C1orf198: variants seen among roughly 807,000 people sequenced by gnomAD.
C1orf198 encodes uncharacterized protein C1orf198.
A neutral mutation model predicts 31.4 loss-of-function variants in C1orf198; 17 were observed. The observed-to-expected ratio is 0.54, with a 90% confidence interval of 0.37 to 0.81. The LOEUF (loss-of-function observed/expected upper bound fraction) is 0.81, where lower values mean the gene tolerates loss of function less well. Ranked by LOEUF, C1orf198 falls within the 40% of genes least tolerant of loss-of-function variation. The pLI is 0.00. For synonymous variants in C1orf198, 175 were observed against 193.8 expected, an observed-to-expected ratio of 0.90 and a Z score of 0.81; for missense variants, 401 against 450.3, an observed-to-expected ratio of 0.89 and a Z score of 0.99.
At chr1:230,841,601 C>T (rs1422668766) in intron 3 of C1orf198, among the ~76,000 whole-genome samples, 1 of 152,162 alleles carries the variant, frequency 6.6e-6, no homozygotes, top group Non-Finnish European at 1.5e-5. Context: ...CACCTCATAC[C>T]CCTTCGCATG....
intron 1 of C1orf198, among the ~76,000 whole-genome samples, chr1:230,863,468 A>G (rs1354661965): frequency 6.6e-6 from 1 of 152,224 alleles, no homozygotes. Flanking sequence ...AGAGTGTAAA[A>G]GTGACTCTTA....
intron 1 of C1orf198, 129 bp downstream of exon 1, chr1:230,868,051 T>A: frequency 3.8e-4 from 261 of 680,468 alleles, no homozygotes; most frequent in East Asian, 9.4e-4. Flanking sequence ...TCCCACCCAC[T>A]GCCATTCCTG....
Position 230,857,880 on chromosome 1 carries a change from G to A in C1orf198, c.334-2162C>T, listed in dbSNP as rs1669916190. Reference sequence around the variant, plus strand: ...TAGTGTGTGCAACTAATGACCATGTGCACAGTAAGATGACCCCCATCCTCA... The same window carrying A: ...TAGTGTGTGCAACTAATGACCATGTACACAGTAAGATGACCCCCATCCTCA... On this transcript the variant is annotated intron_variant, in intron 1 of 3. Transcript: ENST00000366663. This position sits in a 1 kb window ranked among gnomAD's most constrained non-coding sequence, Gnocchi z 4.2. Among the ~76,000 whole-genome samples the A allele has an allele frequency of 6.6e-6, 1 of 152,216 alleles. No individual in the cohort carries two copies. The highest frequency in any genetic ancestry group is 6.5e-5 in the Admixed American group (1 of 15,280).
Position 230,840,242 on chromosome 1 carries a change from A to G in C1orf198, c.928-334T>C, listed in dbSNP as rs1669405541. On this transcript the variant is annotated intron_variant, in intron 3 of 3. Coordinates refer to ENST00000366663, the MANE Select transcript of C1orf198 (RefSeq NM_032800.3). This position sits in a 1 kb window ranked among gnomAD's most constrained non-coding sequence, Gnocchi z 4.0. ...ATGACAGCCATGTTTAAATTTATTC[A>G]TCCTAAATAAGAGAACAAATGATAA... Among the ~76,000 whole-genome samples, 1 of 152,246 alleles carries G rather than the reference A, an allele frequency of 6.6e-6. No homozygotes were observed. The highest frequency in any genetic ancestry group is 6.5e-5 in the Admixed American group (1 of 15,284).
At chr1:230,865,778 C>A (rs375533831) in intron 1 of C1orf198, among the ~76,000 whole-genome samples, 2 of 152,230 alleles carry the variant, frequency 1.3e-5, no homozygotes, top group South Asian at 4.1e-4. Flanking sequence ...TAATCAATTT[C>A]TATTTGTTCC....
chr1:230,841,397 C>A (rs1669438002), intron 3 of C1orf198, among the ~76,000 whole-genome samples: 1 of 152,158 alleles, frequency 6.6e-6, no homozygotes, highest in African/African-American at 2.4e-5. Context: ...GTACTGGAAA[C>A]CTGCTCTGGG....
intron 3 of C1orf198, among the ~76,000 whole-genome samples, chr1:230,842,018 T>G (rs1209205600): frequency 6.6e-6 from 1 of 152,142 alleles, no homozygotes; most frequent in Non-Finnish European, 1.5e-5. Flanking sequence ...TTAAGTAAAG[T>G]AAGTCAGTCA....
Position 230,868,281 on chromosome 1 carries a change from G to C in C1orf198, c.232C>G (p.Arg78Gly). Residue 78 changes from arginine (R) to glycine (G), a missense_variant, in exon 1 of 4, where the codon CGC (arginine) becomes GGC (glycine). Physicochemically the swap from Arg to Gly is moderately radical, Grantham distance 125 (BLOSUM62 -2). Coordinates refer to ENST00000366663, the MANE Select transcript of C1orf198 (RefSeq NM_032800.3). ...CCGGGGTCTCGGGGCGCCGGGGCGCGCGGCCCCACCAGGCACCGGTCGATG... is the reference window on the plus strand; with the variant it reads ...CCGGGGTCTCGGGGCGCCGGGGCGCCCGGCCCCACCAGGCACCGGTCGATG... ...EIIDRCLVGPRAPAPRDPGDS... is the reference protein window; with the variant it reads ...EIIDRCLVGPGAPAPRDPGDS... 6.3e-7 allele frequency: 1 copy of C among 1,590,006 alleles called. No homozygotes were observed.
intron 1 of C1orf198, among the ~76,000 whole-genome samples, chr1:230,861,546 C>A (rs1265738953): frequency 1.3e-5 from 2 of 152,216 alleles, no homozygotes; most frequent in African/African-American, 4.8e-5. Context: ...GTGAGTCACG[C>A]CAACAGCGTG....
intron 1 of C1orf198, among the ~76,000 whole-genome samples, chr1:230,861,505 C>T (rs143513503): frequency 2.6e-5 from 4 of 152,298 alleles, no homozygotes; most frequent in East Asian, 1.9e-4. Flanking sequence ...GGTGGAAATA[C>T]CATATAGCGC....
At chr1:230,861,592 C>T (rs577959410) in intron 1 of C1orf198, among the ~76,000 whole-genome samples, 3 of 152,176 alleles carry the variant, frequency 2.0e-5, no homozygotes, top group Non-Finnish European at 4.4e-5. Context: ...TCATGGCAAC[C>T]AGCAAATGCT....
intron 2 of C1orf198, among the ~76,000 whole-genome samples, chr1:230,851,980 T>TGCC (rs1329596429): frequency 1.3e-5 from 2 of 152,204 alleles, no homozygotes; most frequent in African/African-American, 4.8e-5. Flanking sequence ...TTCTTAACTC[T>TGCC]GCCCATGGCC....
chr1:230,855,691 C>A lies in C1orf198; in HGVS notation c.361G>T (p.Ala121Ser). Residue 121 changes from alanine to serine, a missense_variant, in exon 2 of 4, where the codon GCC becomes TCC. By Grantham distance (99) the Ala-to-Ser change is moderately conservative (BLOSUM62 1). Transcript: ENST00000366663. ...EDLTWQDEHS[A>S]PFSWETKSQM... ...ACCTTTGTTTCCCAGGAGAAAGGGG[C>A]AGAGTGCTCATCTTGCCAAGTTAGA... is the stretch of plus-strand genomic sequence containing the variant. 1 of 1,612,982 alleles carries A rather than the reference C, an allele frequency of 6.2e-7. No individual in the cohort carries two copies. Among genetic ancestry groups the A allele is most frequent in the South Asian group, 1.1e-5 (1 of 90,844 alleles).
In C1orf198 at chr1:230,868,521, T is replaced by C. The variant is rs113500369; in HGVS notation, c.-9A>G. 3.3e-5 allele frequency: 44 copies of C among 1,316,748 alleles called. No homozygotes were observed. The African/African-American group carries it at 3.4e-4, about 10-fold the overall frequency. 81.6% of individuals were successfully genotyped at this position (1,316,748 alleles called of 1,614,324 possible). On this transcript the variant is annotated 5_prime_UTR_variant, in exon 1 of 4. Transcript: ENST00000366663. ...GCCGCCATGGACGCCATGCCCGGCC[T>C]GCCCGCCGCTCCCGGCCCGCGCCCC...
chr1:230,858,443 C>T (rs1309283844), intron 1 of C1orf198, among the ~76,000 whole-genome samples: 1 of 152,230 alleles, frequency 6.6e-6, no homozygotes, highest in South Asian at 2.1e-4. Context: ...TCCTCCCCAG[C>T]CTCCACACCC....
At chr1:230,856,551 T>A (rs1445817494) in intron 1 of C1orf198, among the ~76,000 whole-genome samples, 1 of 152,100 alleles carries the variant, frequency 6.6e-6, no homozygotes, top group Non-Finnish European at 1.5e-5. Context: ...TTGGGTAACT[T>A]TTGTTTGTTT....
chr1:230,849,128 T>C (rs74144848), intron 2 of C1orf198, among the ~76,000 whole-genome samples: 1,954 of 152,358 alleles, frequency 0.013, 25 homozygotes, highest in East Asian at 0.072. Flanking sequence ...GACTCCACAC[T>C]GTTGGCCACT....
Position 230,843,835 on chromosome 1 carries a change from G to A in C1orf198, c.446C>T (p.Ala149Val), listed in dbSNP as rs777302924. ...TTTGGACAGTGGTCTGGGCTCGCTG[G>A]CGGCGGTGCCGTTGCTCGGCTCCTG... ...SIQEPSNGTA[A>V]SEPRPLSKAS... is the part of the protein sequence containing the mutation. Residue 149 changes from alanine to valine, a missense_variant, in exon 3 of 4, where the codon GCC becomes GTC. Physicochemically the swap from Ala to Val is moderately conservative, Grantham distance 64. Coordinates refer to ENST00000366663, the MANE Select transcript of C1orf198 (RefSeq NM_032800.3). This position sits in a 1 kb window ranked among gnomAD's most constrained non-coding sequence, Gnocchi z 4.9. The A allele has an allele frequency of 5.1e-6, 8 of 1,554,168 alleles. No homozygotes were observed. In the South Asian group the frequency reaches 7.4e-5, roughly 14 times the overall value.
chr1:230,868,068 CT>C, intron 1 of C1orf198, 111 bp downstream of exon 1: 1 of 968,422 alleles, frequency 1.0e-6, no homozygotes, highest in Non-Finnish European at 1.3e-6. Flanking sequence ...CCTGCCTTTT[CT>C]TTTCCAGCCC....
Sources: allele counts gnomAD v4.1 joint callset (sites outside exome capture counted in the v4.1 genomes callset), GRCh38; gene constraint gnomAD v4.1.1; non-coding constraint Gnocchi (gnomAD v3.1); transcripts MANE v1.5; gene names NCBI Gene and HGNC (gene_info 2026-07-23, HGNC 2026-07-21).